Variants in NHSL2 observed in about 807,000 individuals in gnomAD.
The protein encoded by NHSL2 is NHS-like protein 2.
In NHSL2, 27 loss-of-function variants were observed where a neutral mutation model predicts 53.4. The observed-to-expected ratio is 0.51, with a 90% CI of 0.37 to 0.70. The LOEUF (loss-of-function observed/expected upper bound fraction) is 0.70, where lower values mean the gene tolerates loss of function less well. NHSL2 is among the 30% of genes least tolerant of loss of function. The pLI is 0.00. For synonymous variants in NHSL2, 408 were observed against 404.1 expected (o/e 1.01, Z -0.12); for missense variants, 892 against 980.1 (o/e 0.91, Z 1.20).
chrX:72,069,608 G>T, intron 1 of NHSL2: 2 of 742,406 alleles, frequency 2.7e-6, no homozygotes, highest in Non-Finnish European at 3.5e-6. Context: ...GGAGGAGGAG[G>T]AGTAGGAGGA....
intron 1 of NHSL2, among the ~76,000 whole-genome samples, chrX:72,010,913 C>T (rs1345781257): frequency 2.7e-5 from 3 of 112,038 alleles, no homozygotes; most frequent in South Asian, 3.7e-4. Flanking sequence ...ATCATAGCCA[C>T]GCCTATTTCC....
At chrX:71,921,002 G>T (rs969487639) in intron 1 of NHSL2, among the ~76,000 whole-genome samples, 1 of 108,569 alleles carries the variant, frequency 9.2e-6, no homozygotes, top group Non-Finnish European at 1.9e-5. Flanking sequence ...ACGGGGTTTC[G>T]CCATGTTGGT....
chrX:71,995,401 G>A (rs746185485), intron 1 of NHSL2, among the ~76,000 whole-genome samples: 4 of 95,909 alleles, frequency 4.2e-5, no homozygotes, highest in East Asian at 3.3e-4. Context: ...AAAAGCCAAC[G>A]TCCTTACAAT....
At chrX:71,942,709 A>C (rs1391495177) in intron 1 of NHSL2, among the ~76,000 whole-genome samples, 1 of 112,382 alleles carries the variant, frequency 8.9e-6, no homozygotes, top group Non-Finnish European at 1.9e-5. Context: ...TTAGACATGT[A>C]GCAAAAGTCA....
In NHSL2 at chrX:71,953,533, C is replaced by A. The variant is rs1755433049; in HGVS notation, c.280+42166C>A. ...GTGACAAAAATTGTGAAGGTAGCCC[C>A]CAAGTGACTGAAGATTGGGACATAC... On this transcript the variant is annotated intron_variant, in intron 1 of 7. Transcript: ENST00000633930. Among the ~76,000 whole-genome samples, 4 of 111,293 alleles carry A rather than the reference C, an allele frequency of 3.6e-5. No homozygotes were observed. The South Asian group carries it at 1.5e-3, about 43-fold the overall frequency.
intron 1 of NHSL2, among the ~76,000 whole-genome samples, chrX:71,976,036 T>G (rs948194577): frequency 1.3e-4 from 15 of 112,057 alleles, no homozygotes; most frequent in African/African-American, 4.5e-4. Context: ...GAAAGCTGCC[T>G]GCTAAGGACA....
chrX:72,074,446 A>C (rs2041724717), intron 1 of NHSL2, among the ~76,000 whole-genome samples: 1 of 112,233 alleles, frequency 8.9e-6, no homozygotes, highest in Non-Finnish European at 1.9e-5. Flanking sequence ...AAGGTATGGA[A>C]GAAGTTAAAA....
intron 1 of NHSL2, among the ~76,000 whole-genome samples, chrX:72,051,383 T>C (rs186129130): frequency 2.9e-4 from 33 of 112,157 alleles, no homozygotes; most frequent in Non-Finnish European, 4.9e-4. Context: ...AGTTGAGGGG[T>C]ATCTGTAGAT....
In NHSL2 at chrX:72,115,434, G is replaced by GGA. The variant is rs1176272030; in HGVS notation, c.281-16644_281-16643insAG. Among the ~76,000 whole-genome samples, 15 of 90,401 alleles carry GGA rather than the reference G, an allele frequency of 1.7e-4. 1 individual carries two copies. In the East Asian group the frequency reaches 7.4e-3, roughly 45 times the overall value. 78.5% of individuals were successfully genotyped at this position (90,401 alleles called of 115,157 possible). Reference sequence around the variant, plus strand: ...ACCTCCCGAAGTTTGGTGGGGGCGGGGGGGGGGTGCGGGGGGCGTGAGAGG... The same window carrying GGA: ...ACCTCCCGAAGTTTGGTGGGGGCGGGGAGGGGGGGTGCGGGGGGCGTGAGAGG... On this transcript the variant is annotated intron_variant, in intron 1 of 7. Transcript: ENST00000633930.
intron 1 of NHSL2, chrX:71,966,223 A>G (rs2041900414): frequency 8.9e-6 from 1 of 112,077 alleles, no homozygotes; most frequent in Non-Finnish European, 1.9e-5. Context: ...ATTCTTTCAG[A>G]TTTTCTGCAT....
intron 1 of NHSL2, among the ~76,000 whole-genome samples, chrX:72,119,276 G>T (rs1000069807): frequency 2.7e-5 from 3 of 111,827 alleles, no homozygotes; most frequent in Admixed American, 1.9e-4. Context: ...TTTCCATATG[G>T]ATTTTAGGAT....
intron 1 of NHSL2, among the ~76,000 whole-genome samples, chrX:71,931,585 A>T (rs896207712): frequency 1.8e-5 from 2 of 112,234 alleles, no homozygotes; most frequent in Non-Finnish European, 3.8e-5. Context: ...ATGTTCTTGG[A>T]TATCCACTTG....
intron 1 of NHSL2, among the ~76,000 whole-genome samples, chrX:71,961,174 TTTGA>T (rs982385245): frequency 4.5e-5 from 5 of 112,074 alleles, no homozygotes; most frequent in Non-Finnish European, 7.5e-5. Flanking sequence ...TAATGTCATT[TTTGA>T]TTGTTTATTG....
intron 1 of NHSL2, chrX:72,130,185 C>T (rs750966235): frequency 2.5e-6 from 3 of 1,210,924 alleles, no homozygotes; most frequent in Admixed American, 4.3e-5. Context: ...GTGGCTCCTC[C>T]TCCACCTCAC....
intron 1 of NHSL2, among the ~76,000 whole-genome samples, chrX:72,090,010 G>A (rs1053950686): frequency 5.4e-5 from 6 of 111,462 alleles, no homozygotes; most frequent in Non-Finnish European, 1.1e-4. Flanking sequence ...ATGCCTGCAT[G>A]TGTGTTTGTA....
At chrX:72,003,938 T>C (rs2042082578) in intron 1 of NHSL2, among the ~76,000 whole-genome samples, 2 of 111,992 alleles carry the variant, frequency 1.8e-5, no homozygotes, top group Non-Finnish European at 3.8e-5. Flanking sequence ...CCACACCACC[T>C]GCCTGGCATT....
rs758775761 is a variant in NHSL2 at position 72,090,975 on chromosome X, G to T, written c.281-41104G>T. Among the ~76,000 whole-genome samples the T allele has an allele frequency of 1.2e-4, 13 of 112,122 alleles. No homozygotes were observed. The East Asian group carries it at 3.6e-3, about 31-fold the overall frequency. ...CATAATTATTATTAGTGGCTGCAGAGAATTCCATTATATGGCTGAACCACA... is the reference window on the plus strand; with the variant it reads ...CATAATTATTATTAGTGGCTGCAGATAATTCCATTATATGGCTGAACCACA... On this transcript the variant is annotated intron_variant, in intron 1 of 7. Transcript: ENST00000633930.
intron 1 of NHSL2, among the ~76,000 whole-genome samples, chrX:72,031,226 T>G (rs775493993): frequency 3.3e-4 from 37 of 111,670 alleles, no homozygotes; most frequent in African/African-American, 1.0e-3. Context: ...GAAATACATC[T>G]CTTATTCCAC....
intron 1 of NHSL2, among the ~76,000 whole-genome samples, chrX:71,982,033 T>C (rs1237089701): frequency 8.9e-6 from 1 of 112,302 alleles, no homozygotes; most frequent in Non-Finnish European, 1.9e-5. Context: ...TGTACATAAA[T>C]GTTCATAGGA....
Sources: gnomAD v4.1 joint callset for allele counts (sites outside exome capture counted in the v4.1 genomes callset) on GRCh38, gnomAD v4.1.1 for gene constraint, MANE v1.5 for transcripts, NCBI Gene and HGNC (gene_info 2026-07-23, HGNC 2026-07-21) for gene names.